Variants in FBLN7 observed in about 807,000 individuals in gnomAD.
The protein encoded by FBLN7 is fibulin-7.
A neutral mutation model predicts 44.0 loss-of-function variants in FBLN7; 31 were observed. The observed-to-expected ratio is 0.70, with a 90% CI of 0.53 to 0.95. The LOEUF (loss-of-function observed/expected upper bound fraction) is 0.95. Ranked by LOEUF, FBLN7 falls within the 40% of genes least tolerant of loss-of-function variation. The pLI, the probability that FBLN7 is intolerant of heterozygous loss-of-function variation, is 0.00. For missense variants in FBLN7, 573 were observed against 618.5 expected (o/e 0.93, Z 0.78); for synonymous variants, 262 against 253.4 (o/e 1.03, Z -0.32).
the FBLN7 span, chr2:112,236,448 C>G: frequency 6.4e-6 from 9 of 1,408,248 alleles, no homozygotes; most frequent in South Asian, 1.2e-4. Context: ...AAAACCGATT[C>G]TGTGGGATGC....
At chr2:112,159,408 A>G (rs1681604964) in intron 1 of FBLN7, among the ~76,000 whole-genome samples, 1 of 152,178 alleles carries the variant, frequency 6.6e-6, no homozygotes, top group Non-Finnish European at 1.5e-5. Context: ...CGTGGTGATT[A>G]TAAGGCTCTT....
At chr2:112,238,207 T>C in the FBLN7 span, 1 of 1,135,190 alleles carries the variant, frequency 8.8e-7, no homozygotes, top group South Asian at 1.5e-5. Context: ...ATGAAAACCA[T>C]AGTCTTATCA....
chr2:112,184,722 T>C (rs115223467), intron 6 of FBLN7, among the ~76,000 whole-genome samples: 2,822 of 136,912 alleles, frequency 0.021, 86 homozygotes, highest in African/African-American at 0.071. Context: ...TATATGTATA[T>C]ATATGTATAT....
At chr2:112,176,346 C>T (rs572293339) in intron 4 of FBLN7, 11 of 152,578 alleles carry the variant, frequency 7.2e-5, no homozygotes, top group African/African-American at 2.6e-4. Flanking sequence ...TAAGAAGTCA[C>T]GTGGTGCCTG....
intron 3 of FBLN7, among the ~76,000 whole-genome samples, chr2:112,169,240 T>G (rs111954768): frequency 0.026 from 3,972 of 152,076 alleles, 65 homozygotes; most frequent in Middle Eastern, 0.041. Context: ...ACCACTGCAC[T>G]CCAGCCTGGG....
chr2:112,156,928 G>A (rs1012908447), intron 1 of FBLN7, among the ~76,000 whole-genome samples: 1 of 152,130 alleles, frequency 6.6e-6, no homozygotes, highest in African/African-American at 2.4e-5. Flanking sequence ...GGTGGTGGTT[G>A]TGGTTGTGGT....
the FBLN7 span, among the ~76,000 whole-genome samples, chr2:112,197,235 AC>A: frequency 4.4e-5 from 1 of 22,600 alleles, no homozygotes; most frequent in African/African-American, 2.4e-4. Flanking sequence ...GTAAGAGAAA[AC>A]ACACACACAC....
Position 112,160,848 on chromosome 2 carries a change from G to GCGCACACACA in FBLN7, c.235+1014_235+1015insGCACACACAC, listed in dbSNP as rs1041384217. On this transcript the variant is annotated intron_variant, in intron 2 of 7. Coordinates refer to ENST00000331203, the MANE Select transcript of FBLN7 (RefSeq NM_153214.3). ...AGCACGCATACACGCACGCACACGC[G>GCGCACACACA]CACACACACACACACACACTCAGCC... Among the ~76,000 whole-genome samples the GCGCACACACA allele has an allele frequency of 2.0e-5, 3 of 148,042 alleles. No individual in the cohort carries two copies. In the East Asian group the frequency reaches 6.0e-4, roughly 29 times the overall value.
intron 3 of FBLN7, among the ~76,000 whole-genome samples, chr2:112,167,486 G>C (rs112275607): frequency 6.6e-6 from 1 of 152,030 alleles, no homozygotes. Flanking sequence ...CACCTGCCTC[G>C]CTGCAGCAGG....
At chr2:112,160,040 GA>G (rs1238585936) in intron 2 of FBLN7, among the ~76,000 whole-genome samples, 2 of 152,000 alleles carry the variant, frequency 1.3e-5, no homozygotes, top group African/African-American at 4.8e-5. Context: ...GCCCAGGCTG[GA>G]GTGCAGTGGC....
the FBLN7 span, chr2:112,234,308 T>G: frequency 4.2e-5 from 51 of 1,221,792 alleles, no homozygotes; most frequent in Non-Finnish European, 5.3e-5. Flanking sequence ...TTGCACAAAA[T>G]TATTTAAACC....
the FBLN7 span, among the ~76,000 whole-genome samples, chr2:112,211,062 G>C: frequency 6.6e-6 from 1 of 152,152 alleles, no homozygotes. Flanking sequence ...GTTGCCCTCA[G>C]CTACTAGTGG....
intron 2 of FBLN7, among the ~76,000 whole-genome samples, chr2:112,161,528 G>A (rs957003177): frequency 5.9e-5 from 9 of 152,178 alleles, no homozygotes; most frequent in Non-Finnish European, 1.2e-4. Context: ...GGGAAACTGA[G>A]GCCAAGACAA....
rs3080970 is a variant in FBLN7, at chr2:112,160,670, GCA to G, written c.235+839_235+840del. On this transcript the variant is annotated intron_variant, in intron 2 of 7. Coordinates refer to ENST00000331203, the MANE Select transcript of FBLN7 (RefSeq NM_153214.3). ...CGCGCACGCACACGCGCACGCACAC[GCA>G]CACGCAGACGCACGCACACGCACAC... Among the ~76,000 whole-genome samples, 222 of 142,604 alleles carry G rather than the reference GCA, an allele frequency of 1.6e-3. 2 individuals are homozygous for G. Among genetic ancestry groups the G allele is most frequent in the African/African-American group, 5.6e-3 (213 of 38,154 alleles). The allele number at this position is 142,604 out of a possible 152,430, so 93.6% of individuals were successfully genotyped here. A position where few individuals can be genotyped will look rare whatever the true frequency, so the allele number is the denominator to read the frequency against.
the FBLN7 span, among the ~76,000 whole-genome samples, chr2:112,216,773 A>G: frequency 1.3e-5 from 2 of 152,046 alleles, no homozygotes; most frequent in Non-Finnish European, 2.9e-5. Context: ...AATGAAGACT[A>G]TATTACAAGA....
At chr2:112,178,257 C>T (rs201045795) in intron 4 of FBLN7, among the ~76,000 whole-genome samples, 1 of 123,840 alleles carries the variant, frequency 8.1e-6, no homozygotes. Context: ...ACAAGAAATA[C>T]AAAAAAAAAA....
At chr2:112,191,859 A>C (rs539053651), downstream of FBLN7, among the ~76,000 whole-genome samples, 1 of 152,218 alleles carries the variant, frequency 6.6e-6, no homozygotes, top group Non-Finnish European at 1.5e-5. Context: ...AACTATTTAC[A>C]TGGTTCCAAA....
At chr2:112,232,544 C>G in the FBLN7 span, among the ~76,000 whole-genome samples, 1 of 151,950 alleles carries the variant, frequency 6.6e-6, no homozygotes, top group Non-Finnish European at 1.5e-5. Context: ...TTTTAAATAC[C>G]TTGATAAATG....
At chr2:112,156,564 G>A (rs1573779777) in intron 1 of FBLN7, among the ~76,000 whole-genome samples, 1 of 152,232 alleles carries the variant, frequency 6.6e-6, no homozygotes, top group South Asian at 2.1e-4. Context: ...GGGAAATCAG[G>A]TTTGGGTGGC....
Sources: gnomAD v4.1 joint callset for allele counts (sites outside exome capture counted in the v4.1 genomes callset) on GRCh38, gnomAD v4.1.1 for gene constraint, MANE v1.5 for transcripts, NCBI Gene and HGNC (gene_info 2026-07-23, HGNC 2026-07-21) for gene names.